C2orf49: variants seen among roughly 807,000 people sequenced by gnomAD.
C2orf49 encodes tRNA splicing ligase complex subunit 2, also known as tRNA-splicing ligase complex subunit ASW.
In C2orf49, 11 loss-of-function variants were observed where a neutral mutation model predicts 20.6. That is an observed-to-expected ratio of 0.53 (90% CI 0.34 to 0.88). The LOEUF (loss-of-function observed/expected upper bound fraction) is 0.88, where lower values mean the gene tolerates loss of function less well. Among genes scored for constraint, C2orf49 ranks in the 40% least tolerant of loss-of-function variants. The pLI, the probability that C2orf49 is intolerant of heterozygous loss-of-function variation, is 0.02. For synonymous variants in C2orf49, 134 were observed against 108.5 expected, an observed-to-expected ratio of 1.24 and a Z score of -1.46; for missense variants, 289 against 274.2, an observed-to-expected ratio of 1.05 and a Z score of -0.38.
chr2:105,363,149 G>T, the C2orf49 span: 1 of 736,752 alleles, frequency 1.4e-6, no homozygotes, highest in Non-Finnish European at 2.2e-6. Context: ...AAGCAGATAG[G>T]CAGAAAAGTC....
the C2orf49 span, among the ~76,000 whole-genome samples, chr2:105,370,214 CCA>C: frequency 7.9e-5 from 12 of 151,636 alleles, no homozygotes; most frequent in Admixed American, 4.6e-4. Flanking sequence ...CTCTACCCCC[CCA>C]AAAAAAAAAT....
intron 1 of C2orf49, among the ~76,000 whole-genome samples, 153 bp downstream of exon 1, chr2:105,337,839 G>C (rs1679545596): frequency 6.6e-6 from 1 of 152,136 alleles, no homozygotes; most frequent in African/African-American, 2.4e-5. Flanking sequence ...CTGTCTCCTC[G>C]CTCCTGCTCC....
Position 105,348,454 on chromosome 2 carries a change from A to T in C2orf49, c.*3083A>T, listed in dbSNP as rs1341796113. ...GTTTTGAGAGACAATTCTAAAATTG[A>T]TCTAGAGACTCATTCAATAGCAATG... On this transcript the variant is annotated 3_prime_UTR_variant, in exon 4 of 4. Transcript: ENST00000258457. 2 of 151,508 alleles carry T rather than the reference A, an allele frequency of 1.3e-5. No homozygotes were observed. Among genetic ancestry groups the T allele is most frequent in the African/African-American group, 2.4e-5 (1 of 41,340 alleles). The allele number at this position is 151,508 out of a possible 1,614,324, so 9.4% of individuals were successfully genotyped here. A position where few individuals can be genotyped will look rare whatever the true frequency, so the allele number is the denominator to read the frequency against.
At chr2:105,342,706 C>T in intron 2 of C2orf49, 142 bp from the exon 3 acceptor site, 6 of 736,010 alleles carry the variant, frequency 8.2e-6, no homozygotes, top group Non-Finnish European at 1.3e-5. Flanking sequence ...TTAGAATGAA[C>T]ATAGAAAATT....
At chr2:105,372,234 T>C in the C2orf49 span, among the ~76,000 whole-genome samples, 4 of 13,576 alleles carry the variant, frequency 2.9e-4, no homozygotes, top group Admixed American at 5.2e-3. Context: ...CATAACTTTC[T>C]TTTTTTTTTG....
the C2orf49 span, among the ~76,000 whole-genome samples, chr2:105,384,253 G>A: frequency 8.8e-4 from 134 of 151,996 alleles, 2 homozygotes; most frequent in East Asian, 0.017. Flanking sequence ...TATTTTTCTC[G>A]GGCTATCTAC....
chr2:105,339,886 C>T (rs1367609951), intron 2 of C2orf49, 137 bp downstream of exon 2: 3 of 673,738 alleles, frequency 4.5e-6, no homozygotes, highest in Non-Finnish European at 4.6e-6. Flanking sequence ...AGGCACTGTG[C>T]GTATAGCAGT....
chr2:105,351,704 T>C (rs1321128472), downstream of C2orf49, among the ~76,000 whole-genome samples: 1 of 152,222 alleles, frequency 6.6e-6, no homozygotes, highest in Non-Finnish European at 1.5e-5. Flanking sequence ...CGTCATTTTG[T>C]ATATTTCTTG....
Position 105,339,696 on chromosome 2 carries a change from G to A in C2orf49, c.213G>A (p.Gly71=), listed in dbSNP as rs899458252. 6.2e-7 allele frequency: 1 copy of A among 1,605,814 alleles called. No homozygotes were observed. Among genetic ancestry groups the A allele is most frequent in the Non-Finnish European group, 8.5e-7 (1 of 1,178,186 alleles). The change falls in exon 2 of 4, where the codon GGG becomes GGA. Residue 71 remains glycine (G), a synonymous_variant. Transcript: ENST00000258457. ...PQRDLPKNRW[G]KMMEKKREQH... is the part of the protein sequence containing the mutation. The stretch of plus-strand genomic sequence containing the variant: ...GGGATTTGCCGAAGAATAGATGGGG[G>A]AAAATGATGGAAAAGAAAAGAGAAC...
At chr2:105,359,378 A>C in the C2orf49 span, 8 of 152,342 alleles carry the variant, frequency 5.3e-5, no homozygotes, top group East Asian at 1.5e-3. Context: ...ACCTCAAGTC[A>C]ACTATAAAAC....
the C2orf49 span, chr2:105,373,429 C>A: frequency 1.1e-6 from 1 of 888,872 alleles, no homozygotes; most frequent in South Asian, 1.5e-5. Flanking sequence ...TACTCCTCTG[C>A]AGTTCAAGGT....
the C2orf49 span, among the ~76,000 whole-genome samples, chr2:105,381,670 C>T: frequency 1.1e-4 from 16 of 152,100 alleles, no homozygotes; most frequent in Admixed American, 1.0e-3. Flanking sequence ...GATTAAATTC[C>T]CTTCACAGAC....
the C2orf49 span, chr2:105,358,920 C>T: frequency 4.6e-5 from 7 of 152,126 alleles, no homozygotes; most frequent in Non-Finnish European, 1.0e-4. Flanking sequence ...GCTGTTTGTC[C>T]CGAACTCTGG....
downstream of C2orf49, among the ~76,000 whole-genome samples, chr2:105,352,429 G>GTTTTTTTTTT (rs61585149): frequency 1.2e-5 from 1 of 80,758 alleles, no homozygotes; most frequent in African/African-American, 5.1e-5. Flanking sequence ...GTTTGTTTGG[G>GTTTTTTTTTT]TTTTTTTTTT....
At chr2:105,358,779 T>C in the C2orf49 span, 1 of 152,198 alleles carries the variant, frequency 6.6e-6, no homozygotes, top group Non-Finnish European at 1.5e-5. Context: ...CAGTCAATGC[T>C]TTTAGCCTTG....
chr2:105,339,776 A>T, intron 2 of C2orf49, 27 bp downstream of exon 2: 2 of 1,537,894 alleles, frequency 1.3e-6, no homozygotes, highest in Non-Finnish European at 1.7e-6. Context: ...CTAGCTTTCA[A>T]TTTATCTTAT....
In C2orf49 at chr2:105,347,284, G is replaced by C. The variant is rs551002129; in HGVS notation, c.*1913G>C. The C allele has an allele frequency of 6.6e-6, 1 of 152,164 alleles. No individual in the cohort carries two copies. 9.4% of individuals were successfully genotyped at this position (152,164 alleles called of 1,614,324 possible). A position where few individuals can be genotyped will look rare whatever the true frequency, so the allele number is the denominator to read the frequency against. The stretch of plus-strand genomic sequence containing the variant: ...CTATACATACATATATGCAAAAGGG[G>C]ATTTTAAAAGTGCAGATTATAGAGT... On this transcript the variant is annotated 3_prime_UTR_variant, in exon 4 of 4. Coordinates refer to ENST00000258457, the MANE Select transcript of C2orf49 (RefSeq NM_024093.3).
At position 105,345,513 on chromosome 2, in the gene C2orf49, T is replaced by C; in HGVS notation, c.*142T>C. The C allele has an allele frequency of 1.4e-6, 1 of 699,454 alleles. No individual in the cohort carries two copies. Among genetic ancestry groups the C allele is most frequent in the Non-Finnish European group, 2.4e-6 (1 of 418,862 alleles). 43.3% of individuals were successfully genotyped at this position (699,454 alleles called of 1,614,324 possible). ...AATAGGTTTAAAAAAATAAAGGATT[T>C]ATTTTCCTTCCCTTCTTCCCTCCCT... On this transcript the variant is annotated 3_prime_UTR_variant, in exon 4 of 4. Transcript: ENST00000258457.
the C2orf49 span, among the ~76,000 whole-genome samples, chr2:105,363,675 C>T: frequency 3.9e-5 from 6 of 152,208 alleles, no homozygotes; most frequent in African/African-American, 4.8e-5. Flanking sequence ...CTGGCTTTCC[C>T]GTTAGTGAAA....
Sources: allele counts gnomAD v4.1 joint callset (sites outside exome capture counted in the v4.1 genomes callset), GRCh38; gene constraint gnomAD v4.1.1; transcripts MANE v1.5; gene names NCBI Gene and HGNC (gene_info 2026-07-23, HGNC 2026-07-21).